Variants in UBAC2 observed in about 807,000 individuals in gnomAD.
The protein encoded by UBAC2 is UBA domain containing 2.
Under a neutral mutation model 44.0 loss-of-function variants are expected in UBAC2, and 26 were observed. That is an observed-to-expected ratio of 0.59 (90% CI 0.43 to 0.82). UBAC2 has a LOEUF of 0.82. Among genes scored for constraint, UBAC2 ranks in the 40% least tolerant of loss-of-function variants. The pLI, the probability that UBAC2 is intolerant of heterozygous loss-of-function variation, is 0.00. For synonymous variants in UBAC2, 155 were observed against 154.3 expected (o/e 1.00, Z -0.04); for missense variants, 329 against 419.4 (o/e 0.78, Z 1.88).
chr13:99,298,431 C>T (rs1002922808), intron 4 of UBAC2, among the ~76,000 whole-genome samples: 7 of 152,008 alleles, frequency 4.6e-5, no homozygotes, highest in Non-Finnish European at 7.4e-5. Flanking sequence ...GTGGAAATTT[C>T]GAAATGCTTA....
chr13:99,337,470 C>T (rs918325270), intron 6 of UBAC2, among the ~76,000 whole-genome samples: 3 of 151,832 alleles, frequency 2.0e-5, no homozygotes, highest in African/African-American at 7.3e-5. Flanking sequence ...TATTTTATCC[C>T]TGGTTGCTTT....
chr13:99,216,827 C>CTTTTTTCTT (rs2043000906), intron 1 of UBAC2, among the ~76,000 whole-genome samples: 4 of 110,960 alleles, frequency 3.6e-5, no homozygotes, highest in Non-Finnish European at 6.2e-5. Context: ...GGACTCTTTT[C>CTTTTTTCTT]TTTTTTCTTT....
intron 1 of UBAC2, among the ~76,000 whole-genome samples, chr13:99,218,977 A>G (rs955133189): frequency 1.3e-5 from 2 of 152,150 alleles, no homozygotes; most frequent in Admixed American, 6.5e-5. Context: ...TTCTGCCCTT[A>G]GTTTTGGTTT....
intron 7 of UBAC2, among the ~76,000 whole-genome samples, chr13:99,364,717 G>A (rs1174624146): frequency 6.6e-6 from 1 of 152,114 alleles, no homozygotes; most frequent in Non-Finnish European, 1.5e-5. Flanking sequence ...TCATACAAAT[G>A]TACTTTTTGT....
intron 1 of UBAC2, among the ~76,000 whole-genome samples, chr13:99,214,743 C>G (rs1432023394): frequency 6.6e-6 from 1 of 152,018 alleles, no homozygotes; most frequent in East Asian, 1.9e-4. Context: ...CCCACCCCAC[C>G]CTTTTTGGAG....
At chr13:99,213,610 T>G (rs1424094412) in intron 1 of UBAC2, among the ~76,000 whole-genome samples, 2 of 152,116 alleles carry the variant, frequency 1.3e-5, no homozygotes, top group South Asian at 2.1e-4. Flanking sequence ...TCCGCACGAC[T>G]CAGCCTCCCA....
intron 4 of UBAC2, chr13:99,255,191 C>A: frequency 6.2e-7 from 1 of 1,614,014 alleles, no homozygotes; most frequent in Non-Finnish European, 8.5e-7. Flanking sequence ...ATGGACTTCT[C>A]CTTGACTTTG....
At chr13:99,344,604 C>T (rs74577432) in intron 7 of UBAC2, among the ~76,000 whole-genome samples, 3,583 of 152,168 alleles carry the variant, frequency 0.024, 131 homozygotes, top group African/African-American at 0.081. Context: ...CAGTTACTAA[C>T]TGCTGTATGT....
intron 4 of UBAC2, among the ~76,000 whole-genome samples, chr13:99,312,558 G>A (rs564407676): frequency 2.2e-4 from 33 of 152,232 alleles, no homozygotes; most frequent in African/African-American, 7.2e-4. Context: ...GCATCTTACC[G>A]TGACATCCTT....
At chr13:99,248,354 G>A (rs1369119494) in intron 4 of UBAC2, among the ~76,000 whole-genome samples, 1 of 151,402 alleles carries the variant, frequency 6.6e-6, no homozygotes, top group Non-Finnish European at 1.5e-5. Context: ...CTCCTGAGTA[G>A]CTGTGACTAT....
intron 4 of UBAC2, among the ~76,000 whole-genome samples, chr13:99,259,804 A>T (rs1716370627): frequency 6.6e-6 from 1 of 152,222 alleles, no homozygotes; most frequent in African/African-American, 2.4e-5. Context: ...TAGCTTCCCC[A>T]TTGCTGCTAA....
rs181082469 is a variant in UBAC2 at position 99,245,289 on chromosome 13, G to A, written c.389+665G>A. ...CAAAAATATAGTTTAATTAGATTAGGAAACAAAATTAATTTGTACGAAGTT... is the reference window on the plus strand; with the variant it reads ...CAAAAATATAGTTTAATTAGATTAGAAAACAAAATTAATTTGTACGAAGTT... On this transcript the variant is annotated intron_variant, in intron 4 of 8. Transcript: ENST00000403766. Among the ~76,000 whole-genome samples the A allele has an allele frequency of 1.8e-4, 27 of 152,250 alleles. No homozygotes were observed. In the South Asian group the frequency reaches 2.7e-3, roughly 15 times the overall value.
intron 6 of UBAC2, among the ~76,000 whole-genome samples, chr13:99,338,005 A>T (rs1193790788): frequency 6.7e-6 from 1 of 149,746 alleles, no homozygotes; most frequent in Non-Finnish European, 1.5e-5. Context: ...GATGAGCTTT[A>T]AAAAAATTGC....
chr13:99,314,439 TAA>T (rs1566498474), intron 5 of UBAC2, among the ~76,000 whole-genome samples: 2 of 152,314 alleles, frequency 1.3e-5, no homozygotes, highest in East Asian at 3.9e-4. Context: ...AGAAATCTGA[TAA>T]GAGCTTTCAC....
At chr13:99,367,354 GA>G (rs1040091774) in intron 7 of UBAC2, among the ~76,000 whole-genome samples, 2 of 152,174 alleles carry the variant, frequency 1.3e-5, no homozygotes, top group Non-Finnish European at 1.5e-5. Flanking sequence ...GGCCGTGATG[GA>G]AACACCAGAT....
intron 7 of UBAC2, among the ~76,000 whole-genome samples, chr13:99,349,628 C>T (rs1475248653): frequency 6.6e-6 from 1 of 152,116 alleles, no homozygotes; most frequent in Non-Finnish European, 1.5e-5. Context: ...CTTAGGTAGC[C>T]GAAGCTGAGA....
intron 1 of UBAC2, among the ~76,000 whole-genome samples, chr13:99,227,851 G>A (rs374920639): frequency 1.3e-5 from 2 of 152,328 alleles, no homozygotes; most frequent in African/African-American, 4.8e-5. Context: ...TGGTGCATGT[G>A]TTGGGAGTTT....
Position 99,207,993 on chromosome 13 carries a change from CTT to C in UBAC2, c.31+7074_31+7075del, listed in dbSNP as rs369860759. 1.8e-3 allele frequency among the ~76,000 whole-genome samples: 198 copies of C among 109,494 alleles called. 4 individuals carry two copies. The highest frequency in any genetic ancestry group is 2.1e-3 in the African/African-American group (54 of 25,536). 71.8% of individuals were successfully genotyped at this position (109,494 alleles called of 152,430 possible). ...TCTTTATTTTTGCCTCTCATCGTCT[CTT>C]TTTTTTTTTTTTTTTTTTTGAGGTG... On this transcript the variant is annotated intron_variant, in intron 1 of 8. Coordinates refer to ENST00000403766, the MANE Select transcript of UBAC2 (RefSeq NM_001144072.2).
chr13:99,321,847 T>C (rs2044573035), intron 6 of UBAC2, among the ~76,000 whole-genome samples: 1 of 152,352 alleles, frequency 6.6e-6, no homozygotes. Context: ...TAAGTTAGTT[T>C]GCCCAGGATG....
Sources: gnomAD v4.1 joint callset for allele counts (sites outside exome capture counted in the v4.1 genomes callset) on GRCh38, gnomAD v4.1.1 for gene constraint, MANE v1.5 for transcripts, NCBI Gene and HGNC (gene_info 2026-07-23, HGNC 2026-07-21) for gene names.